The following LIMK1 variants were observed in gnomAD, a reference collection of about 807,000 sequenced individuals.
The protein encoded by LIMK1 is LIM domain kinase 1, also known as LIM motif-containing protein kinase.
In LIMK1, 21 loss-of-function variants were observed where a neutral mutation model predicts 77.6. That is an observed-to-expected ratio of 0.27 (90% CI 0.19 to 0.39). LIMK1 has a LOEUF of 0.39. Ranked by LOEUF, LIMK1 falls within the 10% of genes least tolerant of loss-of-function variation. The pLI, the probability that LIMK1 is intolerant of heterozygous loss-of-function variation, is 1.00. For synonymous variants in LIMK1, 358 were observed against 370.0 expected (o/e 0.97, Z 0.37); for missense variants, 696 against 901.6 (o/e 0.77, Z 2.92).
intron 2 of LIMK1, among the ~76,000 whole-genome samples, chr7:74,087,005 C>G (rs2115613134): frequency 6.6e-6 from 1 of 152,256 alleles, no homozygotes; most frequent in East Asian, 1.9e-4. Context: ...TGAAGGTCAC[C>G]CAGTAGGACC....
At chr7:74,106,716 C>T (rs186159431) in intron 7 of LIMK1, among the ~76,000 whole-genome samples, 305 of 152,172 alleles carry the variant, frequency 2.0e-3, no homozygotes, top group Non-Finnish European at 3.2e-3. Context: ...GCCAAGGTCA[C>T]GCCACTATAC....
chr7:74,096,606 G>A lies in LIMK1; in HGVS notation c.153-16G>A, dbSNP rs782166917. On this transcript the variant is annotated splice_polypyrimidine_tract_variant and intron_variant, in intron 2 of 15. Transcript: ENST00000336180. ...AGGGCGGGAGTGGACGTCTCAGCCC[G>A]GCCCCTCTCCTGCAGGTGTTGTGAC... The A allele has an allele frequency of 1.4e-5, 22 of 1,613,664 alleles. No homozygotes were observed. Among genetic ancestry groups the A allele is most frequent in the South Asian group, 9.9e-5 (9 of 91,080 alleles).
intron 2 of LIMK1, among the ~76,000 whole-genome samples, chr7:74,089,544 G>A (rs1469174470): frequency 2.6e-5 from 4 of 152,084 alleles, no homozygotes; most frequent in African/African-American, 4.8e-5. Context: ...CAGGGGCTTC[G>A]GGGAGGGCAT....
intron 2 of LIMK1, among the ~76,000 whole-genome samples, chr7:74,086,400 C>T (rs1388403775): frequency 2.6e-4 from 39 of 152,058 alleles, no homozygotes; most frequent in Admixed American, 2.6e-3. Context: ...TGCTCTGTTG[C>T]CCAGGCTGGA....
Position 74,121,469 on chromosome 7 carries a change from C to G in LIMK1, c.*168C>G. 1 of 678,700 alleles carries G rather than the reference C, an allele frequency of 1.5e-6. No homozygotes were observed. Among genetic ancestry groups the G allele is most frequent in the Non-Finnish European group, 2.4e-6 (1 of 414,552 alleles). 42.0% of individuals were successfully genotyped at this position (678,700 alleles called of 1,614,324 possible). ...CCGTGGACCGCTTCCCCTGCCTTCT[C>G]TCTGCCGTGGCCCAGAGCCGGCCCA... On this transcript the variant is annotated 3_prime_UTR_variant, in exon 16 of 16. Coordinates refer to ENST00000336180, the MANE Select transcript of LIMK1 (RefSeq NM_002314.4).
At chr7:74,098,906 C>G in intron 4 of LIMK1, 126 bp from the exon 5 acceptor site, 3 of 673,190 alleles carry the variant, frequency 4.5e-6, no homozygotes, top group Non-Finnish European at 7.4e-6. Flanking sequence ...GAGTGAGACT[C>G]CATCTCAAAA....
chr7:74,105,652 G>A lies in LIMK1; in HGVS notation c.609-223G>A, dbSNP rs181242865. On this transcript the variant is annotated intron_variant, in intron 5 of 15. Transcript: ENST00000336180. ...GTGTGGGTGGCCAGTGCCTACAAGC[G>A]TGCCACCTTTCTCCAGCTCACACCT... Among the ~76,000 whole-genome samples the A allele has an allele frequency of 5.3e-5, 8 of 152,224 alleles. No homozygotes were observed. In the East Asian group the frequency reaches 5.8e-4, roughly 11 times the overall value.
intron 2 of LIMK1, among the ~76,000 whole-genome samples, chr7:74,090,982 C>T (rs1209982775): frequency 6.6e-6 from 1 of 152,122 alleles, no homozygotes; most frequent in African/African-American, 2.4e-5. Context: ...GGCGCAATCT[C>T]GGCTTACTGC....
intron 14 of LIMK1, 121 bp from the exon 15 acceptor site, chr7:74,120,770 TG>T: frequency 6.5e-7 from 1 of 1,535,162 alleles, no homozygotes; most frequent in South Asian, 1.1e-5. Context: ...CTGGCCCCCA[TG>T]GGGTACTGCA....
At chr7:74,093,318 C>T in intron 2 of LIMK1, 1 of 1,535,808 alleles carries the variant, frequency 6.5e-7, no homozygotes. Context: ...GAATCCCCCT[C>T]CCTACTTGTC....
At chr7:74,093,408 T>A in intron 2 of LIMK1, 1 of 1,311,980 alleles carries the variant, frequency 7.6e-7, no homozygotes, top group Non-Finnish European at 1.0e-6. Flanking sequence ...GGGGCAGAAC[T>A]GAAACTCCTT....
chr7:74,101,996 T>A (rs910693117), intron 5 of LIMK1, among the ~76,000 whole-genome samples: 1 of 152,074 alleles, frequency 6.6e-6, no homozygotes, highest in Non-Finnish European at 1.5e-5. Flanking sequence ...GCTAATTTTT[T>A]AATTTTTTGT....
At chr7:74,093,278 GC>G (rs1563912905) in intron 2 of LIMK1, 2 of 1,535,998 alleles carry the variant, frequency 1.3e-6, no homozygotes, top group East Asian at 2.4e-5. Context: ...CCAAGAAGAC[GC>G]CGCTTCCTCC....
chr7:74,117,132 C>T (rs996734262), intron 13 of LIMK1, among the ~76,000 whole-genome samples: 3 of 152,052 alleles, frequency 2.0e-5, no homozygotes, highest in Non-Finnish European at 4.4e-5. Flanking sequence ...CCGCCCGTCT[C>T]GGCCTCCCAA....
intron 5 of LIMK1, among the ~76,000 whole-genome samples, chr7:74,104,161 G>A (rs1300164332): frequency 6.6e-6 from 1 of 151,918 alleles, no homozygotes; most frequent in Non-Finnish European, 1.5e-5. Flanking sequence ...CAAACCCCTA[G>A]TCTCAAGCAA....
intron 1 of LIMK1, 83 bp from the exon 2 acceptor site, chr7:74,085,665 T>C (rs377138816): frequency 5.9e-6 from 6 of 1,020,348 alleles, no homozygotes; most frequent in South Asian, 2.7e-5. Context: ...GGTGTAGGTA[T>C]ATGTGGGGTG....
At position 74,099,120 on chromosome 7, in the gene LIMK1, A is replaced by G. The variant is rs1157290227; in HGVS notation, c.490A>G (p.Thr164Ala). 1 of 1,613,412 alleles carries G rather than the reference A, an allele frequency of 6.2e-7. No homozygotes were observed. Among genetic ancestry groups the G allele is most frequent in the Non-Finnish European group, 8.5e-7 (1 of 1,179,962 alleles). The change falls in exon 5 of 16, where the codon ACC (threonine) becomes GCC (alanine). Residue 164 changes from threonine to alanine, a missense_variant. Physicochemically the swap from Thr to Ala is moderately conservative, Grantham distance 58. Around this residue, in one of 3 missense-constraint regions of LIMK1, gnomAD observed 252 missense variants for 279.4 expected, o/e 0.90. Coordinates refer to ENST00000336180, the MANE Select transcript of LIMK1 (RefSeq NM_002314.4). Reference sequence around the variant, plus strand: ...TGGCTCCCACCTGCCCCACACCGTCACCCTGGTGTCCATCCCAGCCTCATC... The same window carrying G: ...TGGCTCCCACCTGCCCCACACCGTCGCCCTGGTGTCCATCCCAGCCTCATC... ...SPGSHLPHTVTLVSIPASSHG... is the reference protein window; with the variant it reads ...SPGSHLPHTVALVSIPASSHG...
At chr7:74,102,012 C>CT (rs1309829735) in intron 5 of LIMK1, among the ~76,000 whole-genome samples, 1 of 152,110 alleles carries the variant, frequency 6.6e-6, no homozygotes, top group African/African-American at 2.4e-5. Context: ...TTTGTAGAGA[C>CT]TGAGTCTTGC....
intron 13 of LIMK1, among the ~76,000 whole-genome samples, chr7:74,119,217 C>T (rs566576833): frequency 1.9e-3 from 267 of 141,994 alleles, no homozygotes; most frequent in Non-Finnish European, 2.7e-3. Flanking sequence ...CTTGCATTGT[C>T]ACCCAGGCTG....
Sources: allele counts gnomAD v4.1 joint callset (sites outside exome capture counted in the v4.1 genomes callset), GRCh38; gene constraint gnomAD v4.1.1; regional missense constraint gnomAD v4.1.1; transcripts MANE v1.5; gene names NCBI Gene and HGNC (gene_info 2026-07-23, HGNC 2026-07-21).